Variants in CSRNP3 observed in about 807,000 individuals in gnomAD.
CSRNP3 encodes cysteine and serine rich nuclear protein 3.
In CSRNP3, 12 loss-of-function variants were observed where a neutral mutation model predicts 48.0. That is an observed-to-expected ratio of 0.25 (90% confidence interval 0.16 to 0.41). CSRNP3 has a LOEUF of 0.41. CSRNP3 is among the 10% of genes least tolerant of loss of function. The probability of loss-of-function intolerance (pLI) is 1.00; values close to 1 mark genes in which losing one functional copy is unlikely to be tolerated. For synonymous variants in CSRNP3, 263 were observed against 269.7 expected, an observed-to-expected ratio of 0.98 and a Z score of 0.24; for missense variants, 580 against 724.4, an observed-to-expected ratio of 0.80 and a Z score of 2.29.
At chr2:165,574,562 T>G in intron 3 of CSRNP3, 1 of 539,098 alleles carries the variant, frequency 1.9e-6, no homozygotes, top group Admixed American at 3.8e-5. Flanking sequence ...CTAGTTTATT[T>G]TTTTAATTTT....
chr2:165,672,734 A>C (rs938459005), intron 5 of CSRNP3, among the ~76,000 whole-genome samples: 2 of 152,138 alleles, frequency 1.3e-5, no homozygotes, highest in African/African-American at 4.8e-5. Flanking sequence ...AAAATTAGGG[A>C]GCTCATTGAC....
chr2:165,549,169 T>C (rs971924009), intron 3 of CSRNP3, among the ~76,000 whole-genome samples: 1 of 152,052 alleles, frequency 6.6e-6, no homozygotes, highest in African/African-American at 2.4e-5. Flanking sequence ...TGGTGATTCA[T>C]ATTGTGAAGA....
intron 1 of CSRNP3, among the ~76,000 whole-genome samples, chr2:165,488,080 A>T (rs1399348136): frequency 1.1e-5 from 1 of 89,828 alleles, no homozygotes; most frequent in Non-Finnish European, 2.2e-5. Context: ...ACATAGGCTC[A>T]AAATAAAAGG....
Position 165,676,572 on chromosome 2 carries a change from C to G in CSRNP3, c.669C>G (p.Asp223Glu). 1 of 1,613,654 alleles carries G rather than the reference C, an allele frequency of 6.2e-7. No individual in the cohort carries two copies. Among genetic ancestry groups the G allele is most frequent in the Non-Finnish European group, 8.5e-7 (1 of 1,179,524 alleles). The change falls in exon 6 of 7, where the codon GAC becomes GAG. Residue 223 changes from aspartate to glutamate, a missense_variant. Transcript: ENST00000651982. Reference protein sequence around the residue: ...GCDCRVFCDPDTCTCSLAGIK... With the variant: ...GCDCRVFCDPETCTCSLAGIK... The stretch of plus-strand genomic sequence containing the variant: ...ACTGCCGAGTGTTCTGTGATCCAGA[C>G]ACGTGCACCTGCAGCCTGGCTGGCA...
At chr2:165,480,089 G>T (rs938020755) in intron 1 of CSRNP3, among the ~76,000 whole-genome samples, 1 of 152,052 alleles carries the variant, frequency 6.6e-6, no homozygotes, top group Non-Finnish European at 1.5e-5. Context: ...CCTGTCAGCC[G>T]GCTGAAGGCT....
rs397693755 is a variant in CSRNP3, at chr2:165,609,543, TA to T, written c.148+14340del. Among the ~76,000 whole-genome samples, 37 of 35,444 alleles carry T rather than the reference TA, an allele frequency of 1.0e-3. No individual in the cohort carries two copies. The East Asian group carries it at 0.024, about 23-fold the overall frequency. 23.3% of individuals were successfully genotyped at this position (35,444 alleles called of 152,430 possible). A position where few individuals can be genotyped will look rare whatever the true frequency, so the allele number is the denominator to read the frequency against. Reference sequence around the variant, plus strand: ...TGGTTTTCTTATCTATAAATACTGATAAAAAAAAAAGTACACTGTCTGCCTT... The same window carrying T: ...TGGTTTTCTTATCTATAAATACTGATAAAAAAAAAGTACACTGTCTGCCTT... On this transcript the variant is annotated intron_variant, in intron 4 of 6. Transcript: ENST00000651982.
At chr2:165,519,208 A>C (rs1684619613) in intron 3 of CSRNP3, among the ~76,000 whole-genome samples, 1 of 152,134 alleles carries the variant, frequency 6.6e-6, no homozygotes, top group Non-Finnish European at 1.5e-5. Flanking sequence ...ACAACTGCAA[A>C]TTTAATGTCA....
chr2:165,622,634 A>T (rs1301780970), intron 4 of CSRNP3, among the ~76,000 whole-genome samples: 1 of 152,200 alleles, frequency 6.6e-6, no homozygotes, highest in African/African-American at 2.4e-5. Context: ...GAAGTTGGCT[A>T]CATCAGATCC....
At chr2:165,677,952 T>G (rs980830717) in intron 6 of CSRNP3, among the ~76,000 whole-genome samples, 1 of 152,108 alleles carries the variant, frequency 6.6e-6, no homozygotes, top group Non-Finnish European at 1.5e-5. Flanking sequence ...TGCCCTTCCT[T>G]CAAGAAGATT....
rs12465369 is a variant in CSRNP3 at position 165,638,678 on chromosome 2, G to T, written c.149-19083G>T. Among the ~76,000 whole-genome samples, 1,020 of 152,228 alleles carry T rather than the reference G, an allele frequency of 6.7e-3. 29 individuals carry two copies. The highest frequency in any genetic ancestry group is 0.055 in the Admixed American group (838 of 15,286). ...ATAATTTTGCATTATTTGCTAGACA[G>T]CAAAAATATATTTTGTTATTTTGAT... On this transcript the variant is annotated intron_variant, in intron 4 of 6. Transcript: ENST00000651982.
intron 1 of CSRNP3, among the ~76,000 whole-genome samples, chr2:165,477,599 G>A (rs1176352298): frequency 3.3e-5 from 5 of 149,950 alleles, no homozygotes; most frequent in Non-Finnish European, 4.4e-5. Flanking sequence ...AACCCGGGAG[G>A]CGGAGGTTAC....
At chr2:165,668,289 C>T (rs1687268472) in intron 5 of CSRNP3, among the ~76,000 whole-genome samples, 1 of 152,124 alleles carries the variant, frequency 6.6e-6, no homozygotes, top group South Asian at 2.1e-4. Context: ...AAAAGTAGGA[C>T]CCAAAGGAAA....
intron 4 of CSRNP3, among the ~76,000 whole-genome samples, chr2:165,613,500 G>T (rs1401370045): frequency 1.3e-5 from 2 of 151,984 alleles, no homozygotes; most frequent in Non-Finnish European, 1.5e-5. Context: ...AATTTCCCCT[G>T]TGTTTTCTTC....
chr2:165,665,629 A>T (rs1350991735), intron 5 of CSRNP3, among the ~76,000 whole-genome samples: 6 of 152,094 alleles, frequency 3.9e-5, no homozygotes, highest in East Asian at 1.9e-4. Context: ...GGGCAGTTGC[A>T]TGTGCCTGTA....
chr2:165,628,292 CT>C, intron 4 of CSRNP3, among the ~76,000 whole-genome samples: 1 of 152,270 alleles, frequency 6.6e-6, no homozygotes, highest in Non-Finnish European at 1.5e-5. Flanking sequence ...CATTTTGTGC[CT>C]TTTTCCCCCT....
intron 5 of CSRNP3, among the ~76,000 whole-genome samples, chr2:165,674,300 A>G (rs1170419563): frequency 6.6e-6 from 1 of 152,090 alleles, no homozygotes; most frequent in African/African-American, 2.4e-5. Context: ...AAAAGGGAAC[A>G]CTTCCTTTCT....
intron 4 of CSRNP3, among the ~76,000 whole-genome samples, chr2:165,609,990 G>T (rs1051372429): frequency 6.6e-6 from 1 of 152,122 alleles, no homozygotes; most frequent in Non-Finnish European, 1.5e-5. Context: ...CATGAGTCGA[G>T]AATAATAATC....
At chr2:165,520,783 T>TTA (rs869287628) in intron 3 of CSRNP3, among the ~76,000 whole-genome samples, 26 of 29,668 alleles carry the variant, frequency 8.8e-4, no homozygotes, top group South Asian at 3.3e-3. Context: ...TATATATATA[T>TTA]TATATATATA....
At chr2:165,503,472 T>C (rs1684384445) in intron 2 of CSRNP3, among the ~76,000 whole-genome samples, 1 of 151,956 alleles carries the variant, frequency 6.6e-6, no homozygotes, top group African/African-American at 2.4e-5. Context: ...GATTTCATTA[T>C]CTCAGATGAG....
Sources: gnomAD v4.1 joint callset for allele counts (sites outside exome capture counted in the v4.1 genomes callset) on GRCh38, gnomAD v4.1.1 for gene constraint, MANE v1.5 for transcripts, NCBI Gene and HGNC (gene_info 2026-07-23, HGNC 2026-07-21) for gene names.